Variants in ARHGEF25 observed in about 807,000 individuals in gnomAD.
The protein encoded by ARHGEF25 is RAC/CDC42 exchange factor.
In ARHGEF25, 42 loss-of-function variants were observed where a neutral mutation model predicts 74.0. That is an observed-to-expected ratio of 0.57 (90% CI 0.44 to 0.73). The LOEUF is 0.73. Ranked by LOEUF, ARHGEF25 falls within the 30% of genes least tolerant of loss-of-function variation. ARHGEF25 has a pLI of 0.00. For missense variants in ARHGEF25, 645 were observed against 725.5 expected, an observed-to-expected ratio of 0.89 and a Z score of 1.27; for synonymous variants, 293 against 278.6, an observed-to-expected ratio of 1.05 and a Z score of -0.51.
rs1193209562 is a variant in ARHGEF25, at chr12:57,614,177, T to A, written c.656+58T>A. The A allele has an allele frequency of 2.5e-6, 4 of 1,599,100 alleles. No homozygotes were observed. Among genetic ancestry groups the A allele is most frequent in the Non-Finnish European group, 3.4e-6 (4 of 1,166,646 alleles). On this transcript the variant is annotated intron_variant, in intron 6 of 14. Transcript: ENST00000286494. The surrounding 1 kb of genome is among the most constrained non-coding windows in gnomAD (Gnocchi z 4.6). The stretch of plus-strand genomic sequence containing the variant: ...GAGAGGGGCCCTCATCTGGTTGTCC[T>A]GTATCCTAACATCAGCCCATTGCGA...
Sources: allele counts gnomAD v4.1 joint callset, GRCh38; gene constraint gnomAD v4.1.1; non-coding constraint Gnocchi (gnomAD v3.1); transcripts MANE v1.5; gene names NCBI Gene and HGNC (gene_info 2026-07-23, HGNC 2026-07-21).